Variants in ANKRD17 observed in about 807,000 individuals in gnomAD.
ANKRD17 encodes ankyrin repeat domain-containing protein 17.
ANKRD17 carries 19 observed loss-of-function variants against 229.7 expected under a neutral mutation model. That is an observed-to-expected ratio of 0.08 (90% CI 0.06 to 0.12). The LOEUF is 0.12. ANKRD17 is among the 10% of genes least tolerant of loss of function. The pLI, the probability that ANKRD17 is intolerant of heterozygous loss-of-function variation, is 1.00. For missense variants in ANKRD17, 2,176 were observed against 3,176.8 expected (o/e 0.68, Z 7.57); for synonymous variants, 1,112 against 1,146.1 (o/e 0.97, Z 0.60).
chr4:73,091,067 G>C lies in ANKRD17; in HGVS notation c.6561C>G (p.Ala2187=). 1 of 1,614,192 alleles carries C rather than the reference G, an allele frequency of 6.2e-7. No individual in the cohort carries two copies. Among genetic ancestry groups the C allele is most frequent in the Non-Finnish European group, 8.5e-7 (1 of 1,180,034 alleles). ...GCACTGAAGCTGAATTCTTGTGAGG[G>C]GCAGTTGTGCCATGAGGGGGTGGTC... ...AIRPPPHGTT[A]PHKNSASVQN... is the part of the protein sequence containing the mutation. The change falls in exon 29 of 34, where the codon GCC becomes GCG. Residue 2187 remains alanine, a synonymous_variant. Coordinates refer to ENST00000358602, the MANE Select transcript of ANKRD17 (RefSeq NM_032217.5).
intron 31 of ANKRD17, among the ~76,000 whole-genome samples, 181 bp downstream of exon 31, chr4:73,078,461 C>G (rs370608133): frequency 6.6e-6 from 1 of 151,792 alleles, no homozygotes; most frequent in East Asian, 1.9e-4. Flanking sequence ...TCGCTTGAAC[C>G]GGGGAGGTGG....
intron 22 of ANKRD17, 147 bp downstream of exon 22, chr4:73,118,541 A>G: frequency 3.5e-6 from 3 of 866,142 alleles, no homozygotes; most frequent in Non-Finnish European, 5.3e-6. Flanking sequence ...ATCTACATTT[A>G]ATGTTGCCAT....
chr4:73,088,950 C>T (rs773161546), intron 29 of ANKRD17, among the ~76,000 whole-genome samples: 3 of 152,098 alleles, frequency 2.0e-5, no homozygotes, highest in Non-Finnish European at 4.4e-5. Flanking sequence ...ATACAATATG[C>T]AAATGAATGG....
intron 24 of ANKRD17, among the ~76,000 whole-genome samples, chr4:73,107,555 A>G (rs1200303606): frequency 6.6e-6 from 1 of 152,220 alleles, no homozygotes; most frequent in Non-Finnish European, 1.5e-5. Flanking sequence ...AAATGTGTGT[A>G]TGGAGACAAA....
chr4:73,150,836 G>A (rs907842436), intron 7 of ANKRD17, among the ~76,000 whole-genome samples: 31 of 152,068 alleles, frequency 2.0e-4, no homozygotes, highest in Admixed American at 2.6e-4. Context: ...AGCCATTCCC[G>A]AATACAAACT....
chr4:73,111,257 T>C (rs1725282935), intron 24 of ANKRD17, among the ~76,000 whole-genome samples: 1 of 152,156 alleles, frequency 6.6e-6, no homozygotes, highest in Non-Finnish European at 1.5e-5. Flanking sequence ...TATAACAATA[T>C]GCCAGTAACA....
chr4:73,115,698 C>T, intron 23 of ANKRD17, 123 bp downstream of exon 23: 3 of 675,384 alleles, frequency 4.4e-6, no homozygotes, highest in Non-Finnish European at 7.4e-6. Flanking sequence ...TACTTCATTC[C>T]CAAATACTAG....
intron 3 of ANKRD17, among the ~76,000 whole-genome samples, chr4:73,156,515 CTGG>C (rs1387180761): frequency 6.6e-6 from 1 of 152,120 alleles, no homozygotes; most frequent in Non-Finnish European, 1.5e-5. Context: ...GGGAAGGGAC[CTGG>C]TGGGAGATGA....
chr4:73,104,594 T>A (rs2148620306), intron 24 of ANKRD17, among the ~76,000 whole-genome samples: 1 of 152,300 alleles, frequency 6.6e-6, no homozygotes, highest in African/African-American at 2.4e-5. Flanking sequence ...CGTATCTGTA[T>A]AGACAGAAAA....
chr4:73,079,002 A>T lies in ANKRD17; in HGVS notation c.7160-112T>A, dbSNP rs1289495779. On this transcript the variant is annotated intron_variant, in intron 30 of 33. Coordinates refer to ENST00000358602, the MANE Select transcript of ANKRD17 (RefSeq NM_032217.5). ...TTTAAATATATATTCTCAGAAAAAC[A>T]AAGTGTAAAAATAATACTTAAAAAT... 5.6e-6 allele frequency: 7 copies of T among 1,258,558 alleles called. No individual in the cohort carries two copies. In the East Asian group the frequency reaches 1.8e-4, roughly 33 times the overall value. The allele number at this position is 1,258,558 out of a possible 1,614,324, so 78.0% of individuals were successfully genotyped here. A position where few individuals can be genotyped will look rare whatever the true frequency, so the allele number is the denominator to read the frequency against.
intron 16 of ANKRD17, among the ~76,000 whole-genome samples, chr4:73,133,111 G>C (rs372198789): frequency 6.6e-6 from 1 of 151,862 alleles, no homozygotes; most frequent in Non-Finnish European, 1.5e-5. Context: ...TTGGCCAGGC[G>C]TGATGGTGGG....
intron 23 of ANKRD17, among the ~76,000 whole-genome samples, chr4:73,114,230 T>C (rs1725662318): frequency 1.3e-5 from 2 of 152,186 alleles, no homozygotes; most frequent in African/African-American, 4.8e-5. Flanking sequence ...TTATGTTGGC[T>C]GGTTAACAGG....
At chr4:73,191,341 A>ATATG (rs1553933228) in intron 1 of ANKRD17, among the ~76,000 whole-genome samples, 37 of 125,286 alleles carry the variant, frequency 3.0e-4, no homozygotes, top group South Asian at 8.5e-4. Context: ...AAAAATATAT[A>ATATG]TGTGTGTGTG....
rs112866714 is a variant in ANKRD17 at position 73,147,775 on chromosome 4, A to G, written c.1568-343T>C. Among the ~76,000 whole-genome samples, 293 of 152,196 alleles carry G rather than the reference A, an allele frequency of 1.9e-3. 1 individual carries two copies. The highest frequency in any genetic ancestry group is 6.6e-3 in the African/African-American group (275 of 41,534). On this transcript the variant is annotated intron_variant, in intron 8 of 33. Transcript: ENST00000358602. ...TGGTGATAATGATGATGATGATGATAATAAAAATCTTAACATTCAATAAGC... is the reference window on the plus strand; with the variant it reads ...TGGTGATAATGATGATGATGATGATGATAAAAATCTTAACATTCAATAAGC...
At chr4:73,222,141 G>C (rs990658728) in intron 1 of ANKRD17, among the ~76,000 whole-genome samples, 1 of 150,954 alleles carries the variant, frequency 6.6e-6, no homozygotes, top group Non-Finnish European at 1.5e-5. Flanking sequence ...TATCTAATGA[G>C]GAAAAAAAAG....
At chr4:73,150,553 T>C (rs1280160371) in intron 7 of ANKRD17, among the ~76,000 whole-genome samples, 1 of 152,068 alleles carries the variant, frequency 6.6e-6, no homozygotes, top group Non-Finnish European at 1.5e-5. Context: ...TAAAAAAAAA[T>C]AATTTGCTAA....
At chr4:73,211,683 C>G (rs964769874) in intron 1 of ANKRD17, among the ~76,000 whole-genome samples, 3 of 151,788 alleles carry the variant, frequency 2.0e-5, no homozygotes, top group African/African-American at 7.3e-5. Context: ...CCCATCTCTA[C>G]TAAAAATACA....
At position 73,141,776 on chromosome 4, in the gene ANKRD17, G is replaced by A. The variant is rs2148819578; in HGVS notation, c.2297C>T (p.Ala766Val). 6.2e-7 allele frequency: 1 copy of A among 1,613,938 alleles called. No homozygotes were observed. The highest frequency in any genetic ancestry group is 8.5e-7 in the Non-Finnish European group (1 of 1,179,932). Residue 766 changes from alanine to valine, a missense_variant, in exon 14 of 34, where the codon GCC becomes GTC. Coordinates refer to ENST00000358602, the MANE Select transcript of ANKRD17 (RefSeq NM_032217.5). The stretch of plus-strand genomic sequence containing the variant: ...GATGGGAAGAGTGGTGGCAACATTG[G>A]CAGGTGGTTTGTCAGGCTCCTGAGG... ...VPPQEPDKPP[A>V]NVATTLPIRN...
At chr4:73,251,416 C>T (rs950710269) in intron 1 of ANKRD17, among the ~76,000 whole-genome samples, 7 of 152,052 alleles carry the variant, frequency 4.6e-5, no homozygotes, top group African/African-American at 1.7e-4. Flanking sequence ...GGGTATTTTG[C>T]TTCTGGGTAA....
Sources: gnomAD v4.1 joint callset for allele counts (sites outside exome capture counted in the v4.1 genomes callset) on GRCh38, gnomAD v4.1.1 for gene constraint, MANE v1.5 for transcripts, NCBI Gene and HGNC (gene_info 2026-07-23, HGNC 2026-07-21) for gene names.